Variants in FKBP3 observed in about 807,000 individuals in gnomAD.
The protein encoded by FKBP3 is FKBP prolyl isomerase 3, also known as peptidyl-prolyl cis-trans isomerase FKBP3.
In FKBP3, 21 loss-of-function variants were observed where a neutral mutation model predicts 30.6. That is an observed-to-expected ratio of 0.69 (90% CI 0.49 to 0.99). FKBP3 has a LOEUF of 0.99. FKBP3 is among the 50% of genes least tolerant of loss of function. The pLI, the probability that FKBP3 is intolerant of heterozygous loss-of-function variation, is 0.00. For missense variants in FKBP3, 283 were observed against 261.6 expected (o/e 1.08, Z -0.56); for synonymous variants, 82 against 91.3 (o/e 0.90, Z 0.58).
chr14:45,123,822 GT>G (rs1885039703), intron 3 of FKBP3, among the ~76,000 whole-genome samples: 1 of 151,582 alleles, frequency 6.6e-6, no homozygotes, highest in Non-Finnish European at 1.5e-5. Flanking sequence ...GTTTCACCAT[GT>G]TAGCCAGGAT....
intron 1 of FKBP3, among the ~76,000 whole-genome samples, chr14:45,131,628 CAAAAAAA>C (rs536298530): frequency 1.0e-4 from 4 of 39,468 alleles, no homozygotes; most frequent in East Asian, 7.6e-4. Flanking sequence ...GACTCTGTCT[CAAAAAAA>C]AAAAAAAAAA....
chr14:45,127,931 G>A (rs768510554), intron 3 of FKBP3, among the ~76,000 whole-genome samples: 7 of 152,184 alleles, frequency 4.6e-5, no homozygotes, highest in Non-Finnish European at 8.8e-5. Context: ...TCCTGAAGGA[G>A]ACATGAGAAA....
At chr14:45,117,293 C>G (rs1295428657) in intron 6 of FKBP3, among the ~76,000 whole-genome samples, 1 of 152,164 alleles carries the variant, frequency 6.6e-6, no homozygotes, top group South Asian at 2.1e-4. Flanking sequence ...TTTTGAAAAG[C>G]TAAGAGAGCT....
intron 1 of FKBP3, 82 bp downstream of exon 1, chr14:45,134,267 G>A (rs1337176224): frequency 3.5e-6 from 4 of 1,132,136 alleles, no homozygotes; most frequent in African/African-American, 3.1e-5. Flanking sequence ...GGGCACAGAG[G>A]AATACGGAAT....
rs111442386 is a variant in FKBP3, at chr14:45,117,128, C to T, written c.621-876G>A. On this transcript the variant is annotated intron_variant, in intron 6 of 6. Transcript: ENST00000396062. ...CTGGGATTACAGGCCTGCAACACCA[C>T]GCCTGGCTAATTTGTGTATTTTTAG... 5.5e-3 allele frequency among the ~76,000 whole-genome samples: 830 copies of T among 152,176 alleles called. 5 individuals carry two copies. Among genetic ancestry groups the T allele is most frequent in the African/African-American group, 0.018 (728 of 41,532 alleles).
In FKBP3 at chr14:45,128,291, G is replaced by T. The variant is rs141055304; in HGVS notation, c.318+1503C>A. Among the ~76,000 whole-genome samples, 493 of 152,164 alleles carry T rather than the reference G, an allele frequency of 3.2e-3. 5 individuals carry two copies. Among genetic ancestry groups the T allele is most frequent in the African/African-American group, 0.011 (471 of 41,516 alleles). On this transcript the variant is annotated intron_variant, in intron 3 of 6. Transcript: ENST00000396062. ...GGGGGAGGTTGCTGTGAACCAAGAT[G>T]GCACCACTGCACTCCAGCCTGGGTG...
intron 3 of FKBP3, among the ~76,000 whole-genome samples, chr14:45,121,888 C>A (rs546413695): frequency 4.7e-4 from 72 of 152,208 alleles, no homozygotes; most frequent in African/African-American, 1.7e-3. Flanking sequence ...ATTCACCAAA[C>A]CATAACATGA....
At chr14:45,134,249 G>T (rs1885315311) in intron 1 of FKBP3, 100 bp downstream of exon 1, 2 of 996,346 alleles carry the variant, frequency 2.0e-6, no homozygotes, top group South Asian at 3.1e-5. Flanking sequence ...GCGGGAAGAC[G>T]AGGGCGGGGG....
intron 3 of FKBP3, among the ~76,000 whole-genome samples, chr14:45,127,238 C>T (rs1026252124): frequency 2.0e-5 from 3 of 151,750 alleles, no homozygotes; most frequent in Non-Finnish European, 2.9e-5. Context: ...CTCAACCTTC[C>T]GAGTAGCTGG....
At chr14:45,127,980 A>G (rs1750773732) in intron 3 of FKBP3, among the ~76,000 whole-genome samples, 1 of 152,242 alleles carries the variant, frequency 6.6e-6, no homozygotes, top group Admixed American at 6.5e-5. Context: ...TTTTAAGCTC[A>G]GAAGAAGGGA....
chr14:45,128,059 A>T (rs1223125707), intron 3 of FKBP3, among the ~76,000 whole-genome samples: 2 of 151,854 alleles, frequency 1.3e-5, no homozygotes, highest in Non-Finnish European at 2.9e-5. Context: ...AAGGGAGTCC[A>T]GGGGCAGTGG....
At chr14:45,132,849 C>T (rs576230891) in intron 1 of FKBP3, among the ~76,000 whole-genome samples, 3 of 152,208 alleles carry the variant, frequency 2.0e-5, no homozygotes, top group African/African-American at 7.2e-5. Context: ...TGATTTGTTT[C>T]ATAAGAATAT....
At chr14:45,119,391 T>C (rs1454118328) in intron 5 of FKBP3, among the ~76,000 whole-genome samples, 2 of 151,978 alleles carry the variant, frequency 1.3e-5, no homozygotes, top group African/African-American at 4.8e-5. Context: ...CTGACCAACA[T>C]GATGAAACCC....
At chr14:45,120,804 C>G (rs1157729202) in intron 5 of FKBP3, 83 bp downstream of exon 5, 1 of 1,126,996 alleles carries the variant, frequency 8.9e-7, no homozygotes, top group African/African-American at 1.5e-5. Context: ...TGTATTATAT[C>G]CCCAAACCTA....
At position 45,134,478 on chromosome 14, in the gene FKBP3, T is replaced by G; in HGVS notation, c.-22A>C. The G allele has an allele frequency of 6.2e-7, 1 of 1,601,268 alleles. No homozygotes were observed. The highest frequency in any genetic ancestry group is 2.2e-5 in the East Asian group (1 of 44,510). On this transcript the variant is annotated 5_prime_UTR_variant, in exon 1 of 7. Coordinates refer to ENST00000396062, the MANE Select transcript of FKBP3 (RefSeq NM_002013.4). ...CCATCTTCCCCCGCTGCCTCCGCTT[T>G]ACTGAGCCAGCCCGCCGCAGTTCGG...
chr14:45,121,675 A>G, intron 3 of FKBP3, 55 bp from the exon 4 acceptor site: 4 of 1,574,178 alleles, frequency 2.5e-6, no homozygotes, highest in Non-Finnish European at 3.4e-6. Context: ...GTCCTTTAAA[A>G]GAATGACAAA....
rs776151284 is a variant in FKBP3, at chr14:45,121,518, C to T, written c.421G>A (p.Asp141Asn). 16 of 1,613,450 alleles carry T rather than the reference C, an allele frequency of 9.9e-6. No individual in the cohort carries two copies. The highest frequency in any genetic ancestry group is 1.3e-5 in the Non-Finnish European group (15 of 1,179,688). The change falls in exon 4 of 7, where the codon GAT (aspartate) becomes AAT (asparagine). Residue 141 changes from aspartate (D) to asparagine (N), a missense_variant. Transcript: ENST00000396062. ...VHCWYTGTLQ[D>N]GTVFDTNIQT... ...ATATTAGTATCAAAAACAGTCCCAT[C>T]TTGTAGTGTTCCTGTATACCAGCAG...
intron 6 of FKBP3, 169 bp from the exon 7 acceptor site, chr14:45,116,421 G>A (rs76228253): frequency 1.5e-5 from 8 of 528,728 alleles, no homozygotes; most frequent in Non-Finnish European, 2.8e-5. Context: ...ACCACTTAAT[G>A]AAGACTATTA....
At chr14:45,116,385 G>T in intron 6 of FKBP3, 133 bp from the exon 7 acceptor site, 1 of 594,714 alleles carries the variant, frequency 1.7e-6, no homozygotes, top group Non-Finnish European at 3.1e-6. Context: ...TTACCTGGAT[G>T]CTTTACAAGT....
Sources: gnomAD v4.1 joint callset for allele counts (sites outside exome capture counted in the v4.1 genomes callset) on GRCh38, gnomAD v4.1.1 for gene constraint, MANE v1.5 for transcripts, NCBI Gene and HGNC (gene_info 2026-07-23, HGNC 2026-07-21) for gene names.